TRIP4: variants seen among roughly 807,000 people sequenced by gnomAD.
The protein encoded by TRIP4 is thyroid hormone receptor interactor 4, also known as activating signal cointegrator 1.
TRIP4 carries 54 observed loss-of-function variants against 81.8 expected under a neutral mutation model. The observed-to-expected ratio is 0.66, with a 90% CI of 0.53 to 0.83. The LOEUF is 0.83. TRIP4 is among the 40% of genes least tolerant of loss of function. The pLI, the probability that TRIP4 is intolerant of heterozygous loss-of-function variation, is 0.00. For missense variants in TRIP4, 662 were observed against 683.6 expected (o/e 0.97, Z 0.35); for synonymous variants, 270 against 242.8 (o/e 1.11, Z -1.04).
intron 5 of TRIP4, among the ~76,000 whole-genome samples, chr15:64,402,300 G>A (rs1490454232): frequency 2.0e-5 from 3 of 150,402 alleles, no homozygotes; most frequent in Non-Finnish European, 4.4e-5. Flanking sequence ...TCGGCTCACC[G>A]CAGCCTTCGC....
chr15:64,451,511 A>T (rs1206304625), intron 12 of TRIP4, among the ~76,000 whole-genome samples: 1 of 102,048 alleles, frequency 9.8e-6, no homozygotes, highest in African/African-American at 4.0e-5. Context: ...TCACTCTGTC[A>T]CCCAGGCTGA....
intron 11 of TRIP4, 78 bp downstream of exon 11, chr15:64,425,709 AGGCTG>A (rs1055333143): frequency 8.8e-7 from 1 of 1,136,620 alleles, no homozygotes; most frequent in African/African-American, 1.6e-5. Context: ...GCACTTTAAG[AGGCTG>A]GGCCTCTTAA....
At chr15:64,433,707 G>C (rs955621855) in intron 11 of TRIP4, among the ~76,000 whole-genome samples, 5 of 152,200 alleles carry the variant, frequency 3.3e-5, no homozygotes, top group Non-Finnish European at 5.9e-5. Context: ...ATATTACAAG[G>C]ATGAGGAGTA....
chr15:64,446,293 T>C (rs536599253), intron 12 of TRIP4, among the ~76,000 whole-genome samples: 2 of 152,018 alleles, frequency 1.3e-5, no homozygotes, highest in South Asian at 4.2e-4. Context: ...GACTTAACAT[T>C]TTAAGTATTT....
intron 1 of TRIP4, among the ~76,000 whole-genome samples, chr15:64,388,589 A>G (rs140845597): frequency 2.8e-4 from 42 of 152,298 alleles, no homozygotes; most frequent in African/African-American, 9.9e-4. Context: ...GATTACAGGC[A>G]TGAGCCACCG....
chr15:64,405,180 A>G (rs1891596130), intron 5 of TRIP4, among the ~76,000 whole-genome samples: 1 of 143,888 alleles, frequency 6.9e-6, no homozygotes, highest in African/African-American at 2.6e-5. Flanking sequence ...TTTGAGATGG[A>G]GTCTTGCTCT....
At chr15:64,396,650 T>C (rs1271889267) in intron 3 of TRIP4, among the ~76,000 whole-genome samples, 1 of 152,234 alleles carries the variant, frequency 6.6e-6, no homozygotes, top group Non-Finnish European at 1.5e-5. Flanking sequence ...TTCTCATTGC[T>C]ACACAGAATT....
chr15:64,414,189 A>G lies in TRIP4; in HGVS notation c.1148A>G (p.Asn383Ser), dbSNP rs376249352. The change falls in exon 8 of 13, where the codon AAC becomes AGC. Residue 383 changes from asparagine to serine, a missense_variant. By Grantham distance (46) the Asn-to-Ser change is conservative. Coordinates refer to ENST00000261884, the MANE Select transcript of TRIP4 (RefSeq NM_016213.5). ...EEPLGVLVNPNMYQSPPQWVD... is the reference protein window; with the variant it reads ...EEPLGVLVNPSMYQSPPQWVD... ...CCTTTGGGAGTTCTGGTAAATCCCA[A>G]CATGTACCAGTCCCCTCCCCAGGTT... 1.5e-5 allele frequency: 24 copies of G among 1,613,984 alleles called. No individual in the cohort carries two copies. The highest frequency in any genetic ancestry group is 1.9e-5 in the Non-Finnish European group (23 of 1,180,012).
intron 6 of TRIP4, among the ~76,000 whole-genome samples, chr15:64,406,716 T>C (rs1204469066): frequency 6.6e-6 from 1 of 152,236 alleles, no homozygotes; most frequent in East Asian, 1.9e-4. Flanking sequence ...TGGACAGTTA[T>C]GTGAGTTGAC....
intron 11 of TRIP4, among the ~76,000 whole-genome samples, chr15:64,434,196 T>G (rs1226775239): frequency 6.6e-6 from 1 of 152,040 alleles, no homozygotes; most frequent in Non-Finnish European, 1.5e-5. Context: ...GGTTAGGAGT[T>G]CGAGACCAGC....
intron 11 of TRIP4, among the ~76,000 whole-genome samples, chr15:64,431,804 C>G (rs779030001): frequency 2.9e-5 from 4 of 137,852 alleles, no homozygotes; most frequent in Non-Finnish European, 6.1e-5. Context: ...TAAGTACCCA[C>G]TTAAATGGTT....
chr15:64,428,445 G>A (rs891725417), intron 11 of TRIP4, among the ~76,000 whole-genome samples: 1 of 152,114 alleles, frequency 6.6e-6, no homozygotes, highest in South Asian at 2.1e-4. Flanking sequence ...AGAAGTGCAG[G>A]AATCCTCCCA....
chr15:64,406,187 G>A, intron 5 of TRIP4, 143 bp from the exon 6 acceptor site: 4 of 925,828 alleles, frequency 4.3e-6, no homozygotes, highest in Admixed American at 2.4e-5. Flanking sequence ...GGCCTGGACT[G>A]TGTACTTGTT....
intron 11 of TRIP4, among the ~76,000 whole-genome samples, chr15:64,433,943 A>T (rs1171924627): frequency 6.6e-6 from 1 of 151,824 alleles, no homozygotes; most frequent in Non-Finnish European, 1.5e-5. Flanking sequence ...CTCATCAGTT[A>T]TCGTTAGTGT....
In TRIP4 at chr15:64,436,299, GA is replaced by G. The variant is rs756457617; in HGVS notation, c.1576-8697del. Among the ~76,000 whole-genome samples the G allele has an allele frequency of 3.3e-4, 47 of 140,904 alleles. 1 individual carries two copies. In the East Asian group the frequency reaches 4.0e-3, roughly 12 times the overall value. 92.4% of individuals were successfully genotyped at this position (140,904 alleles called of 152,430 possible). On this transcript the variant is annotated intron_variant, in intron 11 of 12. Coordinates refer to ENST00000261884, the MANE Select transcript of TRIP4 (RefSeq NM_016213.5). ...AACAGAACGACACTCCGTCTCAAAA[GA>G]AAAAAAAAATCAGCCAGGCACATTG...
chr15:64,408,721 A>G (rs1030838572), intron 6 of TRIP4, among the ~76,000 whole-genome samples: 1 of 152,260 alleles, frequency 6.6e-6, no homozygotes, highest in Non-Finnish European at 1.5e-5. Context: ...CTCAACTTCT[A>G]TGAGCCCCAG....
chr15:64,402,779 A>G (rs1002749881), intron 5 of TRIP4, among the ~76,000 whole-genome samples: 1 of 150,616 alleles, frequency 6.6e-6, no homozygotes, highest in Non-Finnish European at 1.5e-5. Context: ...GCCCACCTCA[A>G]CCTCCCAAAG....
rs776700156 is a variant in TRIP4, at chr15:64,397,733, A to G, written c.533A>G (p.His178Arg). 1 of 1,614,242 alleles carries G rather than the reference A, an allele frequency of 6.2e-7. No homozygotes were observed. The highest frequency in any genetic ancestry group is 8.5e-7 in the Non-Finnish European group (1 of 1,180,034). ...CCTTGTGATTGCCTGGGCCAGAAGC[A>G]CAAGCTCATCAATAACTGTCTGATC... ...RHPCDCLGQK[H>R]KLINNCLICG... The change falls in exon 4 of 13, where the codon CAC becomes CGC. Residue 178 changes from histidine to arginine, a missense_variant. By Grantham distance (29) the His-to-Arg change is conservative. Coordinates refer to ENST00000261884, the MANE Select transcript of TRIP4 (RefSeq NM_016213.5).
chr15:64,400,697 A>G (rs1421690474), intron 4 of TRIP4, 46 bp from the exon 5 acceptor site: 7 of 1,467,858 alleles, frequency 4.8e-6, no homozygotes, highest in African/African-American at 2.8e-5. Context: ...AGAAAGCAAT[A>G]TAATTTAACT....
Sources: gnomAD v4.1 joint callset for allele counts (sites outside exome capture counted in the v4.1 genomes callset) on GRCh38, gnomAD v4.1.1 for gene constraint, MANE v1.5 for transcripts, NCBI Gene and HGNC (gene_info 2026-07-23, HGNC 2026-07-21) for gene names.